Variants in MRPL21 observed in about 807,000 individuals in gnomAD.
The protein encoded by MRPL21 is large ribosomal subunit protein bL21m.
Under a neutral mutation model 27.3 loss-of-function variants are expected in MRPL21, and 20 were observed. The observed-to-expected ratio is 0.73, with a 90% CI of 0.52 to 1.06. The LOEUF (loss-of-function observed/expected upper bound fraction) is 1.06. Among genes scored for constraint, MRPL21 ranks in the 50% least tolerant of loss-of-function variants. The pLI, the probability that MRPL21 is intolerant of heterozygous loss-of-function variation, is 0.00. For synonymous variants in MRPL21, 98 were observed against 101.5 expected, an observed-to-expected ratio of 0.97 and a Z score of 0.21; for missense variants, 249 against 251.4, an observed-to-expected ratio of 0.99 and a Z score of 0.06.
intron 2 of MRPL21, 52 bp from the exon 3 acceptor site, chr11:68,898,064 C>A (rs1857844740): frequency 1.4e-6 from 2 of 1,436,474 alleles, no homozygotes; most frequent in East Asian, 4.6e-5. Context: ...AAAGGCAGCT[C>A]AAATCCTCTA....
At chr11:68,893,516 T>C in intron 4 of MRPL21, 61 bp from the exon 5 acceptor site, 3 of 1,603,086 alleles carry the variant, frequency 1.9e-6, no homozygotes, top group Non-Finnish European at 2.6e-6. Flanking sequence ...GAACAGTTGC[T>C]AATAACAGGT....
intron 4 of MRPL21, among the ~76,000 whole-genome samples, chr11:68,894,449 T>A (rs1393067252): frequency 1.3e-5 from 2 of 152,076 alleles, no homozygotes; most frequent in African/African-American, 2.4e-5. Flanking sequence ...CCCGGCTAAT[T>A]TTTTTTGGTA....
At chr11:68,902,028 T>A (rs513359) in intron 1 of MRPL21, among the ~76,000 whole-genome samples, 39,978 of 152,066 alleles carry the variant, frequency 0.26, 5,762 homozygotes, top group South Asian at 0.48. Flanking sequence ...AATTTGCTTC[T>A]AGCTTTGTTT....
intron 1 of MRPL21, among the ~76,000 whole-genome samples, chr11:68,901,599 T>C (rs578181529): frequency 6.6e-6 from 1 of 152,274 alleles, no homozygotes; most frequent in Admixed American, 6.5e-5. Flanking sequence ...CCTCGGCTGC[T>C]TTCTCCTCTC....
In MRPL21 at chr11:68,897,976, C is replaced by A; in HGVS notation, c.183G>T (p.Trp61Cys). 1 of 1,614,028 alleles carries A rather than the reference C, an allele frequency of 6.2e-7. No homozygotes were observed. The highest frequency in any genetic ancestry group is 8.5e-7 in the Non-Finnish European group (1 of 1,179,998). ...VPKTSLSSPP[W>C]PEVVLPDPVE... ...CTGGGTCTGGCAGAACAACTTCTGGCCAAGGTGGTGAACTCAGGGATGTTT... is the reference window on the plus strand; with the variant it reads ...CTGGGTCTGGCAGAACAACTTCTGGACAAGGTGGTGAACTCAGGGATGTTT... The change falls in exon 3 of 7, where the codon TGG becomes TGT. Residue 61 changes from tryptophan (W) to cysteine (C), a missense_variant. Transcript: ENST00000362034.
chr11:68,891,833 C>A (rs985029980), intron 6 of MRPL21: 4 of 470,740 alleles, frequency 8.5e-6, no homozygotes, highest in Non-Finnish European at 1.5e-5. Context: ...GTGGTTTAGG[C>A]CGGCAACTGC....
At chr11:68,892,041 G>A in intron 6 of MRPL21, 1 of 1,273,218 alleles carries the variant, frequency 7.9e-7, no homozygotes, top group East Asian at 2.8e-5. Flanking sequence ...GAACAAAGTG[G>A]GGTCATGCGT....
intron 6 of MRPL21, 168 bp from the exon 7 acceptor site, chr11:68,891,563 T>C: frequency 1.5e-6 from 1 of 685,430 alleles, no homozygotes. Context: ...CGCTAGCTTG[T>C]TCGTTCACTC....
intron 1 of MRPL21, 98 bp downstream of exon 1, chr11:68,903,625 C>T: frequency 7.8e-7 from 1 of 1,276,046 alleles, no homozygotes; most frequent in Non-Finnish European, 1.1e-6. Context: ...GCGATCAACA[C>T]ACAAGGCACC....
At chr11:68,903,102 C>T (rs1300203620) in intron 1 of MRPL21, among the ~76,000 whole-genome samples, 2 of 152,112 alleles carry the variant, frequency 1.3e-5, no homozygotes, top group Non-Finnish European at 2.9e-5. Flanking sequence ...TTAATATCGT[C>T]CAATATAGAG....
intron 2 of MRPL21, 40 bp downstream of exon 2, chr11:68,900,508 G>A: frequency 6.4e-7 from 1 of 1,567,988 alleles, no homozygotes; most frequent in African/African-American, 1.4e-5. Context: ...TTCTACAAAT[G>A]AAAGGAAAAG....
intron 1 of MRPL21, among the ~76,000 whole-genome samples, chr11:68,902,208 T>G (rs1180802335): frequency 3.3e-5 from 5 of 152,210 alleles, no homozygotes; most frequent in Admixed American, 1.3e-4. Flanking sequence ...CTGTGTGTCT[T>G]TCTCTCCTAA....
chr11:68,900,292 T>C (rs1332539999), intron 2 of MRPL21, among the ~76,000 whole-genome samples: 5 of 152,118 alleles, frequency 3.3e-5, no homozygotes, highest in Non-Finnish European at 7.4e-5. Context: ...CTCAGAAAAA[T>C]ACCGTCAAAA....
chr11:68,900,686 T>C, intron 1 of MRPL21, 81 bp from the exon 2 acceptor site: 1 of 1,230,804 alleles, frequency 8.1e-7, no homozygotes, highest in Non-Finnish European at 1.2e-6. Flanking sequence ...AATGCACAGC[T>C]GCTGCTCCTG....
chr11:68,902,956 T>C (rs1180183075), intron 1 of MRPL21, among the ~76,000 whole-genome samples: 1 of 152,238 alleles, frequency 6.6e-6, no homozygotes, highest in Non-Finnish European at 1.5e-5. Context: ...GTTTCCTCCA[T>C]GTCTCTTCAT....
chr11:68,900,694 CTGGTACA>C, intron 1 of MRPL21, 89 bp from the exon 2 acceptor site: 2 of 1,182,174 alleles, frequency 1.7e-6, no homozygotes, highest in Non-Finnish European at 2.5e-6. Context: ...GCTGCTGCTC[CTGGTACA>C]TGGTATGAAC....
chr11:68,891,951 G>T, intron 6 of MRPL21: 5 of 678,942 alleles, frequency 7.4e-6, no homozygotes, highest in Non-Finnish European at 8.8e-6. Flanking sequence ...GATGTCCTCA[G>T]TGCAGACCTG....
rs1402327414 is a variant in MRPL21 at position 68,897,953 on chromosome 11, G to T, written c.206C>A (p.Pro69Gln). ...TGCATGGTGTCTGGTCTCCTCAACT[G>T]GGTCTGGCAGAACAACTTCTGGCCA... ...PPWPEVVLPD[P>Q]VEETRHHAEV... The change falls in exon 3 of 7, where the codon CCA becomes CAA. Residue 69 changes from proline (P) to glutamine (Q), a missense_variant. Pro to Gln is a moderately conservative substitution (Grantham distance 76). Transcript: ENST00000362034. The T allele has an allele frequency of 1.9e-6, 3 of 1,614,018 alleles. No individual in the cohort carries two copies. Among genetic ancestry groups the T allele is most frequent in the African/African-American group, 2.7e-5 (2 of 74,904 alleles).
At chr11:68,891,914 C>T in intron 6 of MRPL21, 3 of 517,068 alleles carry the variant, frequency 5.8e-6, no homozygotes, top group Non-Finnish European at 9.6e-6. Context: ...CCCGTGGGTG[C>T]CATCCCTCAG....
Sources: allele counts gnomAD v4.1 joint callset (sites outside exome capture counted in the v4.1 genomes callset), GRCh38; gene constraint gnomAD v4.1.1; transcripts MANE v1.5; gene names NCBI Gene and HGNC (gene_info 2026-07-23, HGNC 2026-07-21).